KAT6B: variants seen among roughly 807,000 people sequenced by gnomAD.
The protein encoded by KAT6B is lysine acetyltransferase 6B, also known as histone acetyltransferase KAT6B.
In KAT6B, 10 loss-of-function variants were observed where a neutral mutation model predicts 187.5. The ratio of observed to expected loss-of-function variants is 0.05; its 90% CI spans 0.03 to 0.09. KAT6B has a LOEUF of 0.09. KAT6B is among the 10% of genes least tolerant of loss of function. The pLI, the probability that KAT6B is intolerant of heterozygous loss-of-function variation, is 1.00. For missense variants in KAT6B, 1,952 were observed against 2,558.9 expected (o/e 0.76, Z 5.12); for synonymous variants, 861 against 926.8 (o/e 0.93, Z 1.29).
chr10:74,946,131 A>G (rs537862134), intron 3 of KAT6B, among the ~76,000 whole-genome samples: 204 of 152,270 alleles, frequency 1.3e-3, no homozygotes, highest in African/African-American at 4.7e-3. Context: ...AGGGTTATTC[A>G]GATTTTCTGT....
chr10:74,958,706 C>G (rs1032346735), intron 3 of KAT6B, among the ~76,000 whole-genome samples: 3 of 151,920 alleles, frequency 2.0e-5, no homozygotes, highest in African/African-American at 7.3e-5. Flanking sequence ...TTAAAGGGTG[C>G]TAGGGGACTA....
chr10:74,948,793 G>C (rs554248351), intron 3 of KAT6B, among the ~76,000 whole-genome samples: 1 of 152,156 alleles, frequency 6.6e-6, no homozygotes, highest in African/African-American at 2.4e-5. Flanking sequence ...AGCCTCACTT[G>C]GAAAACATTC....
intron 3 of KAT6B, among the ~76,000 whole-genome samples, chr10:74,870,809 T>C (rs1390797775): frequency 2.0e-5 from 3 of 152,042 alleles, no homozygotes; most frequent in African/African-American, 7.2e-5. Context: ...ACTCCTCACC[T>C]CAGGTGATCT....
intron 3 of KAT6B, among the ~76,000 whole-genome samples, chr10:74,952,120 C>T (rs1052302028): frequency 6.6e-6 from 1 of 151,940 alleles, no homozygotes; most frequent in Non-Finnish European, 1.5e-5. Flanking sequence ...TTTGGGAGGC[C>T]GAGGTGGGTG....
intron 11 of KAT6B, chr10:74,982,658 T>G (rs915205389): frequency 2.0e-5 from 3 of 152,660 alleles, no homozygotes; most frequent in African/African-American, 7.2e-5. Flanking sequence ...GGTTACTGTC[T>G]GTCTGCAGGG....
At chr10:74,970,797 A>G (rs1357250752) in intron 6 of KAT6B, among the ~76,000 whole-genome samples, 3 of 152,342 alleles carry the variant, frequency 2.0e-5, no homozygotes, top group Non-Finnish European at 4.4e-5. Context: ...CTGCCTTCAC[A>G]TACCCTTTGA....
At chr10:74,904,128 A>G (rs1846589934) in intron 3 of KAT6B, among the ~76,000 whole-genome samples, 1 of 152,208 alleles carries the variant, frequency 6.6e-6, no homozygotes, top group African/African-American at 2.4e-5. Context: ...CTATGTCTGG[A>G]CAATGTTTAG....
intron 3 of KAT6B, among the ~76,000 whole-genome samples, chr10:74,943,195 T>A (rs537074942): frequency 6.6e-6 from 1 of 152,312 alleles, no homozygotes; most frequent in East Asian, 1.9e-4. Context: ...CAATGAAGAT[T>A]CAGAACCTGA....
At chr10:74,887,567 C>T (rs1845371534) in intron 3 of KAT6B, among the ~76,000 whole-genome samples, 1 of 151,970 alleles carries the variant, frequency 6.6e-6, no homozygotes, top group African/African-American at 2.4e-5. Context: ...TCAGGTGATC[C>T]ACCTGCCTCA....
In KAT6B at chr10:74,843,089, G is replaced by T; in HGVS notation, c.232G>T (p.Gly78Trp). The change falls in exon 3 of 18, where the codon GGG becomes TGG. Residue 78 changes from glycine (G) to tryptophan (W), a missense_variant. This residue lies in a region of KAT6B where 218 missense variants were observed against 282.6 expected (regional missense o/e 0.77). Coordinates refer to ENST00000287239, the MANE Select transcript of KAT6B (RefSeq NM_012330.4). ...LASYKDPDNP[G>W]RFSSVKPGTF... ...CTCCTATAAGGACCCAGACAACCCT[G>T]GGCGCTTTTCATCAGTTAAACCAGG... 6.2e-7 allele frequency: 1 copy of T among 1,614,178 alleles called. No individual in the cohort carries two copies. The highest frequency in any genetic ancestry group is 8.5e-7 in the Non-Finnish European group (1 of 1,180,040).
At chr10:74,862,608 A>G (rs990942773) in intron 3 of KAT6B, among the ~76,000 whole-genome samples, 7 of 152,168 alleles carry the variant, frequency 4.6e-5, no homozygotes, top group Non-Finnish European at 7.3e-5. Flanking sequence ...TGAGGAAGCA[A>G]TCTAGAGATG....
chr10:74,947,873 C>T (rs554285234), intron 3 of KAT6B, among the ~76,000 whole-genome samples: 5 of 152,288 alleles, frequency 3.3e-5, no homozygotes, highest in African/African-American at 1.2e-4. Context: ...TTCCAACACA[C>T]CTTACAGTGA....
intron 3 of KAT6B, among the ~76,000 whole-genome samples, chr10:74,854,195 A>G (rs1039106106): frequency 2.6e-5 from 4 of 152,228 alleles, no homozygotes; most frequent in Non-Finnish European, 4.4e-5. Flanking sequence ...TGTAATTTGC[A>G]TGTGACATTT....
intron 3 of KAT6B, among the ~76,000 whole-genome samples, chr10:74,892,298 T>C (rs2132651671): frequency 6.6e-6 from 1 of 152,212 alleles, no homozygotes; most frequent in Non-Finnish European, 1.5e-5. Flanking sequence ...AGCCTAGAAG[T>C]TTGGGGTTGC....
chr10:74,975,874 G>A lies in KAT6B; in HGVS notation c.1537G>A (p.Ala513Thr). Residue 513 changes from alanine to threonine, a missense_variant, in exon 8 of 18, where the codon GCC becomes ACC. By Grantham distance (58) the Ala-to-Thr change is moderately conservative. Around this residue, in one of 9 missense-constraint regions of KAT6B, gnomAD observed 417 missense variants for 508.9 expected, o/e 0.82. Coordinates refer to ENST00000287239, the MANE Select transcript of KAT6B (RefSeq NM_012330.4). ...CCCCAGTTCACAAAAGTCCAGCACG[G>A]CCACTTCTTCTCCCTCTCCCCAGAG... is the stretch of plus-strand genomic sequence containing the variant. ...QSPSSQKSSTATSSPSPQSSS... is the reference protein window; with the variant it reads ...QSPSSQKSSTTTSSPSPQSSS... 4 of 1,614,038 alleles carry A rather than the reference G, an allele frequency of 2.5e-6. No homozygotes were observed. The highest frequency in any genetic ancestry group is 1.1e-5 in the South Asian group (1 of 91,066).
chr10:75,017,468 G>T (rs905850168), intron 13 of KAT6B, among the ~76,000 whole-genome samples: 3 of 152,094 alleles, frequency 2.0e-5, no homozygotes, highest in Non-Finnish European at 4.4e-5. Flanking sequence ...GCAAATCTTA[G>T]CCAGGCATGG....
intron 3 of KAT6B, among the ~76,000 whole-genome samples, chr10:74,905,357 A>G (rs1191116806): frequency 6.6e-6 from 1 of 152,202 alleles, no homozygotes; most frequent in Non-Finnish European, 1.5e-5. Flanking sequence ...ATAAATTAAT[A>G]AGTAGAAAGT....
intron 12 of KAT6B, among the ~76,000 whole-genome samples, chr10:74,987,184 C>T (rs1842863827): frequency 6.6e-6 from 1 of 152,018 alleles, no homozygotes; most frequent in African/African-American, 2.4e-5. Flanking sequence ...GCCTGTAATC[C>T]CAGCACTTTG....
intron 13 of KAT6B, among the ~76,000 whole-genome samples, chr10:75,004,539 A>G (rs1844071577): frequency 6.6e-6 from 1 of 152,204 alleles, no homozygotes; most frequent in Non-Finnish European, 1.5e-5. Context: ...CATAAGGATG[A>G]ATGATTTAGT....
Sources: gnomAD v4.1 joint callset for allele counts (sites outside exome capture counted in the v4.1 genomes callset) on GRCh38, gnomAD v4.1.1 for gene constraint, gnomAD v4.1.1 regional missense constraint, MANE v1.5 for transcripts, NCBI Gene and HGNC (gene_info 2026-07-23, HGNC 2026-07-21) for gene names.